EPRS1: variants seen among roughly 807,000 people sequenced by gnomAD.
EPRS1 encodes the protein bifunctional glutamate/proline--tRNA ligase.
In EPRS1, 107 loss-of-function variants were observed where a neutral mutation model predicts 188.3. The ratio of observed to expected loss-of-function variants is 0.57; its 90% confidence interval spans 0.49 to 0.67. EPRS1 has a LOEUF of 0.67. Among genes scored for constraint, EPRS1 ranks in the 30% least tolerant of loss-of-function variants. The probability of loss-of-function intolerance (pLI) is 0.00; values close to 1 mark genes in which losing one functional copy is unlikely to be tolerated. For missense variants in EPRS1, 1,577 were observed against 1,802.2 expected, an observed-to-expected ratio of 0.88 and a Z score of 2.26; for synonymous variants, 596 against 593.1, an observed-to-expected ratio of 1.00 and a Z score of -0.07.
intron 7 of EPRS1, among the ~76,000 whole-genome samples, 164 bp from the exon 8 acceptor site, chr1:220,024,620 C>A (rs772022138): frequency 2.0e-5 from 3 of 152,074 alleles, no homozygotes; most frequent in Non-Finnish European, 4.4e-5. Flanking sequence ...AAAGAAAAAA[C>A]AGATAGATAC....
chr1:220,025,805 T>C (rs946353614), intron 6 of EPRS1, among the ~76,000 whole-genome samples: 1 of 151,960 alleles, frequency 6.6e-6, no homozygotes. Context: ...GTTTTTTTTT[T>C]TTTTTTTGAG....
At chr1:220,038,784 G>A (rs1215877714) in intron 2 of EPRS1, among the ~76,000 whole-genome samples, 2 of 152,164 alleles carry the variant, frequency 1.3e-5, no homozygotes, top group Non-Finnish European at 2.9e-5. Flanking sequence ...GCAGGGAGGT[G>A]AGGGAGCAAC....
In EPRS1 at chr1:220,040,194, T is replaced by A; in HGVS notation, c.122A>T (p.His41Leu). Residue 41 changes from histidine to leucine, a missense_variant, in exon 2 of 32, where the codon CAT (histidine) becomes CTT (leucine). This residue lies in a region of EPRS1 where 1,278 missense variants were observed against 1,457.4 expected (regional missense o/e 0.88). Transcript: ENST00000366923. ...AGATGAAAACACTTACTCAGAAACA[T>A]GAAGAATATTCTCTTTCCCTTCTTC... Reference protein sequence around the residue: ...SVEEGKENILHVSENVIFTDV... With the variant: ...SVEEGKENILLVSENVIFTDV... 1.3e-6 allele frequency: 2 copies of A among 1,598,354 alleles called. No homozygotes were observed. The highest frequency in any genetic ancestry group is 1.7e-4 in the Middle Eastern group (1 of 6,024).
chr1:219,976,165 G>A lies in EPRS1; in HGVS notation c.4083+2381C>T, dbSNP rs574763447. Among the ~76,000 whole-genome samples the A allele has an allele frequency of 2.0e-4, 30 of 152,182 alleles. No individual in the cohort carries two copies. In the South Asian group the frequency reaches 5.4e-3, roughly 27 times the overall value. ...CACTTTGAGCATCAAAACAAATAAC[G>A]TCAGTAACAGATTCTATAACCCAGT... On this transcript the variant is annotated intron_variant, in intron 28 of 31. Coordinates refer to ENST00000366923, the MANE Select transcript of EPRS1 (RefSeq NM_004446.3).
chr1:220,020,824 TTATATATATATA>T (rs71169429), intron 9 of EPRS1, among the ~76,000 whole-genome samples: 3,264 of 108,990 alleles, frequency 0.03, 103 homozygotes, highest in East Asian at 0.1. Flanking sequence ...CAATTTGAAT[TTATATATATATA>T]TATATATATA....
At chr1:219,980,472 T>C (rs1660873725) in intron 25 of EPRS1, among the ~76,000 whole-genome samples, 1 of 152,128 alleles carries the variant, frequency 6.6e-6, no homozygotes, top group African/African-American at 2.4e-5. Context: ...GTTTAGAATA[T>C]AAGAGAAAAT....
intron 5 of EPRS1, among the ~76,000 whole-genome samples, chr1:220,031,731 T>A (rs1285351462): frequency 6.6e-6 from 1 of 152,200 alleles, no homozygotes; most frequent in Non-Finnish European, 1.5e-5. Context: ...CACATTTTCC[T>A]ACAGAACCAA....
In EPRS1 at chr1:219,980,748, T is replaced by G. The variant is rs1660878827; in HGVS notation, c.3555+8A>C. Reference sequence around the variant, plus strand: ...AACATAGTTAATATGGAAAATAACTTTTTATACCTCTTCCGCTGCCTCTTC... The same window carrying G: ...AACATAGTTAATATGGAAAATAACTGTTTATACCTCTTCCGCTGCCTCTTC... On this transcript the variant is annotated splice_region_variant and intron_variant, in intron 25 of 31. Transcript: ENST00000366923. The G allele has an allele frequency of 6.3e-7, 1 of 1,592,020 alleles. No individual in the cohort carries two copies. Among genetic ancestry groups the G allele is most frequent in the Non-Finnish European group, 8.6e-7 (1 of 1,162,320 alleles).
rs527307123 is a variant in EPRS1 at position 220,016,315 on chromosome 1, G to C, written c.1494+2134C>G. Among the ~76,000 whole-genome samples the C allele has an allele frequency of 2.0e-5, 3 of 147,852 alleles. No individual in the cohort carries two copies. In the East Asian group the frequency reaches 6.0e-4, roughly 29 times the overall value. The stretch of plus-strand genomic sequence containing the variant: ...GCCCAGATTGTGCCATTGCACTCCA[G>C]CCTAAGTAACAGGGTGAGATTCCGC... On this transcript the variant is annotated intron_variant, in intron 12 of 31. Transcript: ENST00000366923.
At chr1:219,992,616 G>T (rs964094221) in intron 18 of EPRS1, among the ~76,000 whole-genome samples, 2 of 152,146 alleles carry the variant, frequency 1.3e-5, no homozygotes, top group African/African-American at 4.8e-5. Context: ...CCATGAGTGT[G>T]GCTGTATTCC....
chr1:219,987,525 T>C, intron 19 of EPRS1, 121 bp from the exon 20 acceptor site: 1 of 795,612 alleles, frequency 1.3e-6, no homozygotes, highest in South Asian at 1.9e-5. Context: ...ACACGGGGAA[T>C]GTGCCCAGGT....
Position 220,018,474 on chromosome 1 carries a change from T to G in EPRS1, c.1469A>C (p.Asp490Ala), listed in dbSNP as rs1438679589. ...SSRSVVNMEW[D>A]KIWAFNKKVI... ...CTTTTTGTTAAACGCCCAGATTTTG[T>G]CCCACTCCATGTTCACGACTGAACG... Residue 490 changes from aspartate (D) to alanine (A), a missense_variant, in exon 12 of 32, where the codon GAC (aspartate) becomes GCC (alanine). This residue lies in a region of EPRS1 where 1,278 missense variants were observed against 1,457.4 expected (regional missense o/e 0.88). Coordinates refer to ENST00000366923, the MANE Select transcript of EPRS1 (RefSeq NM_004446.3). The G allele has an allele frequency of 6.2e-7, 1 of 1,612,070 alleles. No individual in the cohort carries two copies.
rs777653723 is a variant in EPRS1, at chr1:219,979,517, T to C, written c.3810A>G (p.Gln1270=). Residue 1270 remains glutamine (Q), a synonymous_variant, in exon 27 of 32, where the codon CAA becomes CAG. Transcript: ENST00000366923. The part of the protein sequence containing the change: ...KIPGEKQFAY[Q]NSWGLTTRTI... The stretch of plus-strand genomic sequence containing the variant: ...TTCGAGTTGTCAGGCCCCAGGAGTT[T>C]TGATAGGCAAATTGCTTCTCTCCTG... 7 of 1,614,020 alleles carry C rather than the reference T, an allele frequency of 4.3e-6. No homozygotes were observed. In the East Asian group the frequency reaches 8.9e-5, roughly 21 times the overall value.
chr1:219,994,103 A>G (rs1661177184), intron 18 of EPRS1, among the ~76,000 whole-genome samples: 1 of 152,174 alleles, frequency 6.6e-6, no homozygotes, highest in African/African-American at 2.4e-5. Flanking sequence ...TTTCATCATA[A>G]CGTTTTAGAG....
intron 30 of EPRS1, 148 bp from the exon 31 acceptor site, chr1:219,969,270 C>A: frequency 1.6e-6 from 1 of 629,260 alleles, no homozygotes; most frequent in Non-Finnish European, 2.8e-6. Context: ...TGCAAACCTA[C>A]TAGGAACTTT....
intron 17 of EPRS1, among the ~76,000 whole-genome samples, chr1:219,999,917 A>G (rs982551557): frequency 3.9e-5 from 6 of 152,160 alleles, no homozygotes; most frequent in African/African-American, 1.2e-4. Flanking sequence ...TGGAGGTTAC[A>G]CTGAGCCAAG....
At chr1:220,003,934 G>A (rs980586297) in intron 16 of EPRS1, among the ~76,000 whole-genome samples, 1 of 152,208 alleles carries the variant, frequency 6.6e-6, no homozygotes, top group Non-Finnish European at 1.5e-5. Flanking sequence ...GGATCAGGGC[G>A]AGAAAACTCC....
chr1:219,982,601 G>C (rs1275429655), intron 23 of EPRS1, 171 bp downstream of exon 23: 2 of 531,100 alleles, frequency 3.8e-6, no homozygotes, highest in Admixed American at 7.0e-5. Flanking sequence ...GAATATTAGA[G>C]AATAAAACTC....
At chr1:220,000,221 G>A (rs1239753291) in intron 17 of EPRS1, among the ~76,000 whole-genome samples, 1 of 152,140 alleles carries the variant, frequency 6.6e-6, no homozygotes. Context: ...AAAATGATAG[G>A]CACAGATGGG....
Sources: gnomAD v4.1 joint callset for allele counts (sites outside exome capture counted in the v4.1 genomes callset) on GRCh38, gnomAD v4.1.1 for gene constraint, gnomAD v4.1.1 regional missense constraint, MANE v1.5 for transcripts, NCBI Gene and HGNC (gene_info 2026-07-23, HGNC 2026-07-21) for gene names.